Variants in TATDN2 observed in about 807,000 individuals in gnomAD.
The protein encoded by TATDN2 is TatD DNase domain containing 2.
A neutral mutation model predicts 60.3 loss-of-function variants in TATDN2; 44 were observed. The ratio of observed to expected loss-of-function variants is 0.73; its 90% CI spans 0.57 to 0.94. The LOEUF (loss-of-function observed/expected upper bound fraction) is 0.94. Among genes scored for constraint, TATDN2 ranks in the 40% least tolerant of loss-of-function variants. TATDN2 has a pLI of 0.00. For synonymous variants in TATDN2, 399 were observed against 355.8 expected (o/e 1.12, Z -1.37); for missense variants, 997 against 948.0 (o/e 1.05, Z -0.68).
intron 2 of TATDN2, among the ~76,000 whole-genome samples, chr3:10,257,877 G>T (rs385339): frequency 0.2 from 3,746 of 18,976 alleles, 278 homozygotes; most frequent in East Asian, 0.59. Context: ...TTTTTTTTTT[G>T]GGAGATGGAG....
At chr3:10,260,769 G>A in intron 3 of TATDN2, 99 bp downstream of exon 3, 2 of 1,397,134 alleles carry the variant, frequency 1.4e-6, no homozygotes, top group Non-Finnish European at 1.9e-6. Context: ...ATTAAAAATA[G>A]TACTTTACTT....
Position 10,260,612 on chromosome 3 carries a change from A to G in TATDN2, c.890A>G (p.Lys297Arg), listed in dbSNP as rs761319045. 1 of 1,614,178 alleles carries G rather than the reference A, an allele frequency of 6.2e-7. No individual in the cohort carries two copies. Residue 297 changes from lysine (K) to arginine (R), a missense_variant, in exon 3 of 8, where the codon AAA (lysine) becomes AGA (arginine). Physicochemically the swap from Lys to Arg is conservative, Grantham distance 26. Transcript: ENST00000448281. ...GGGGACCGAAGGACTGTCATTGACA[A>G]ATGCTCTCCACCCCTAGAGTTCTTG... ...PLGDRRTVID[K>R]CSPPLEFLDD...
intron 2 of TATDN2, among the ~76,000 whole-genome samples, chr3:10,255,296 G>A (rs1247547607): frequency 1.3e-5 from 2 of 152,018 alleles, no homozygotes; most frequent in South Asian, 2.1e-4. Context: ...TTATAGGCAG[G>A]AGCCACCATG....
intron 4 of TATDN2, among the ~76,000 whole-genome samples, chr3:10,273,446 T>C (rs1238232823): frequency 1.3e-5 from 2 of 152,088 alleles, no homozygotes; most frequent in African/African-American, 2.4e-5. Context: ...TGTTTTATCT[T>C]GTGAAGGGAA....
In TATDN2 at chr3:10,249,487, C is replaced by G. The variant is rs530905999; in HGVS notation, c.287C>G (p.Ala96Gly). 30 of 1,613,126 alleles carry G rather than the reference C, an allele frequency of 1.9e-5. No individual in the cohort carries two copies. In the African/African-American group the frequency reaches 3.5e-4, roughly 19 times the overall value. The change falls in exon 2 of 8, where the codon GCC becomes GGC. Residue 96 changes from alanine to glycine, a missense_variant. Coordinates refer to ENST00000448281, the MANE Select transcript of TATDN2 (RefSeq NM_014760.4). ...TTCTTGGGCCCTGGTGTGGGCGGGG[C>G]CGCCTCCAAAGGCTGCCTGATTCGG... ...PHFLGPGVGG[A>G]ASKGCLIRNT...
rs748517761 is a variant in TATDN2, at chr3:10,270,275, A to G, written c.1093A>G (p.Thr365Ala). 9.9e-6 allele frequency: 16 copies of G among 1,613,928 alleles called. No homozygotes were observed. Among genetic ancestry groups the G allele is most frequent in the Non-Finnish European group, 3.4e-6 (4 of 1,180,022 alleles). Residue 365 changes from threonine (T) to alanine (A), a missense_variant, in exon 4 of 8, where the codon ACC becomes GCC. Coordinates refer to ENST00000448281, the MANE Select transcript of TATDN2 (RefSeq NM_014760.4). ...CGTTCCGGAGCCTTCTTCCTTCACCACCGACTATGTCATGTACCCTCCTCA... is the reference window on the plus strand; with the variant it reads ...CGTTCCGGAGCCTTCTTCCTTCACCGCCGACTATGTCATGTACCCTCCTCA... ...SAVPEPSSFT[T>A]DYVMYPPHLY...
chr3:10,249,065 A>G lies in TATDN2; in HGVS notation c.-9A>G, dbSNP rs983564449. The G allele has an allele frequency of 1.0e-5, 10 of 1,003,026 alleles. No individual in the cohort carries two copies. Among genetic ancestry groups the G allele is most frequent in the Non-Finnish European group, 1.4e-5 (10 of 732,966 alleles). The allele number at this position is 1,003,026 out of a possible 1,614,324, so 62.1% of individuals were successfully genotyped here. ...TGATGGGCAGTGGAAAGAAGAGGGA[A>G]AGGTCAGTGAGGCTAGCCCCTGGCT... On this transcript the variant is annotated splice_region_variant and 5_prime_UTR_variant, in exon 1 of 8. Transcript: ENST00000448281.
At position 10,279,238 on chromosome 3, in the gene TATDN2, CAG is replaced by C. The variant is rs1252033968; in HGVS notation, c.*58_*59del. On this transcript the variant is annotated 3_prime_UTR_variant, in exon 8 of 8. Coordinates refer to ENST00000448281, the MANE Select transcript of TATDN2 (RefSeq NM_014760.4). Reference sequence around the variant, plus strand: ...CCCTCCAGGGCGACCAGCAGCCTGACAGAACACAGGCTGGCTTGAAGTCTGTG... The same window carrying C: ...CCCTCCAGGGCGACCAGCAGCCTGACAACACAGGCTGGCTTGAAGTCTGTG... 8.4e-6 allele frequency: 5 copies of C among 595,060 alleles called. No individual in the cohort carries two copies. The highest frequency in any genetic ancestry group is 2.1e-5 in the South Asian group (1 of 47,790). The allele number at this position is 595,060 out of a possible 1,614,324, so 36.9% of individuals were successfully genotyped here. A position where few individuals can be genotyped will look rare whatever the true frequency, so the allele number is the denominator to read the frequency against.
At chr3:10,274,976 T>A (rs1390267017) in intron 4 of TATDN2, among the ~76,000 whole-genome samples, 1 of 151,166 alleles carries the variant, frequency 6.6e-6, no homozygotes. Flanking sequence ...GGTAATTTGC[T>A]TATAATGAAT....
rs1698673831 is a variant in TATDN2, at chr3:10,278,669, G to A, written c.2145+207G>A. On this transcript the variant is annotated intron_variant, in intron 6 of 7. Transcript: ENST00000448281. This position sits in a 1 kb window ranked among gnomAD's most constrained non-coding sequence, Gnocchi z 4.7. ...GGGTAACCACTCTCTTCCAGGCAGT[G>A]CAAAGCCCTACCCTGTAGAGGGTAG... The A allele has an allele frequency of 2.0e-6, 2 of 981,858 alleles. No homozygotes were observed. The highest frequency in any genetic ancestry group is 2.0e-4 in the Middle Eastern group (1 of 4,938). The allele number at this position is 981,858 out of a possible 1,614,324, so 60.8% of individuals were successfully genotyped here.
chr3:10,265,235 C>T (rs956173144), intron 3 of TATDN2, among the ~76,000 whole-genome samples: 2 of 150,000 alleles, frequency 1.3e-5, no homozygotes, highest in African/African-American at 2.4e-5. Context: ...GACCACCATG[C>T]CTGGCTAATT....
At chr3:10,255,924 C>T (rs1698301890) in intron 2 of TATDN2, among the ~76,000 whole-genome samples, 1 of 152,176 alleles carries the variant, frequency 6.6e-6, no homozygotes, top group Non-Finnish European at 1.5e-5. Flanking sequence ...GCCTGGGCGA[C>T]AGAGTGAGAC....
intron 2 of TATDN2, among the ~76,000 whole-genome samples, chr3:10,255,304 A>T (rs1285139923): frequency 1.3e-4 from 19 of 151,880 alleles, no homozygotes; most frequent in Admixed American, 1.2e-3. Context: ...AGGAGCCACC[A>T]TGCCCAGCCA....
intron 2 of TATDN2, among the ~76,000 whole-genome samples, chr3:10,256,208 C>T (rs180908333): frequency 2.6e-4 from 40 of 151,902 alleles, no homozygotes; most frequent in Admixed American, 4.6e-4. Flanking sequence ...AAGTTTGGAG[C>T]GTCTCCACAG....
chr3:10,264,670 T>C (rs1415816951), intron 3 of TATDN2, among the ~76,000 whole-genome samples: 1 of 152,000 alleles, frequency 6.6e-6, no homozygotes, highest in Non-Finnish European at 1.5e-5. Context: ...GATGGTTTCT[T>C]CAACTTTATC....
At chr3:10,270,076 A>T (rs1198606042) in intron 3 of TATDN2, 55 bp from the exon 4 acceptor site, 1 of 1,553,542 alleles carries the variant, frequency 6.4e-7, no homozygotes, top group Non-Finnish European at 8.7e-7. Flanking sequence ...ACAGCCTGGG[A>T]GGCCATCTTC....
intron 3 of TATDN2, among the ~76,000 whole-genome samples, chr3:10,267,611 G>A (rs1024353023): frequency 2.0e-5 from 3 of 152,150 alleles, no homozygotes; most frequent in Non-Finnish European, 2.9e-5. Context: ...GGGGTCATAT[G>A]TCTCGTTTTT....
intron 4 of TATDN2, among the ~76,000 whole-genome samples, chr3:10,274,846 T>G (rs191256458): frequency 2.0e-4 from 31 of 152,342 alleles, no homozygotes; most frequent in Middle Eastern, 3.4e-3. Flanking sequence ...CTTGTAAATA[T>G]TCTCAAGTGA....
chr3:10,276,886 C>G lies in TATDN2; in HGVS notation c.1961+398C>G, dbSNP rs542346237. Among the ~76,000 whole-genome samples the G allele has an allele frequency of 3.3e-5, 5 of 152,258 alleles. No individual in the cohort carries two copies. The East Asian group carries it at 9.6e-4, about 29-fold the overall frequency. On this transcript the variant is annotated intron_variant, in intron 5 of 7. Coordinates refer to ENST00000448281, the MANE Select transcript of TATDN2 (RefSeq NM_014760.4). ...ATAGGCGTGAGCCACCGTGCCCGGC[C>G]TATACACTATCTTTTCTAAAGAATT...
Sources: gnomAD v4.1 joint callset for allele counts (sites outside exome capture counted in the v4.1 genomes callset) on GRCh38, gnomAD v4.1.1 for gene constraint, Gnocchi (gnomAD v3.1) non-coding constraint, MANE v1.5 for transcripts, NCBI Gene and HGNC (gene_info 2026-07-23, HGNC 2026-07-21) for gene names.